The following ADAMTSL1 variants were observed in gnomAD, a reference collection of about 807,000 sequenced individuals.
ADAMTSL1 encodes the protein ADAMTS like 1, also known as ADAMTS-like protein 1.
Under a neutral mutation model 201.8 loss-of-function variants are expected in ADAMTSL1, and 126 were observed. The ratio of observed to expected loss-of-function variants is 0.62; its 90% CI spans 0.54 to 0.72. The LOEUF is 0.72. Among genes scored for constraint, ADAMTSL1 ranks in the 30% least tolerant of loss-of-function variants. The pLI, the probability that ADAMTSL1 is intolerant of heterozygous loss-of-function variation, is 0.00. For missense variants in ADAMTSL1, 2,679 were observed against 2,277.8 expected, an observed-to-expected ratio of 1.18 and a Z score of -3.59; for synonymous variants, 1,121 against 903.4, an observed-to-expected ratio of 1.24 and a Z score of -4.32.
chr9:18,700,868 C>T (rs764373519), intron 13 of ADAMTSL1, among the ~76,000 whole-genome samples: 28 of 152,064 alleles, frequency 1.8e-4, no homozygotes, highest in Non-Finnish European at 3.4e-4. Context: ...ATAAAATGAA[C>T]ATCTGACAAA....
At chr9:18,628,175 G>C (rs1422434527) in intron 5 of ADAMTSL1, among the ~76,000 whole-genome samples, 2 of 127,558 alleles carry the variant, frequency 1.6e-5, no homozygotes, top group African/African-American at 3.0e-5. Flanking sequence ...TCTTGCCTAA[G>C]ACCAGGACAC....
At chr9:17,924,568 A>G (rs1325342340) in intron 1 of ADAMTSL1, among the ~76,000 whole-genome samples, 1 of 150,342 alleles carries the variant, frequency 6.7e-6, no homozygotes, top group African/African-American at 2.5e-5. Flanking sequence ...CAACTATCTG[A>G]TCTTTGACAA....
At chr9:18,554,983 G>C (rs1821021212) in intron 3 of ADAMTSL1, among the ~76,000 whole-genome samples, 1 of 151,760 alleles carries the variant, frequency 6.6e-6, no homozygotes, top group Admixed American at 6.6e-5. Flanking sequence ...TATCATACAG[G>C]ATAGTTTCAC....
At chr9:18,318,945 A>G (rs1259771672) in intron 2 of ADAMTSL1, among the ~76,000 whole-genome samples, 2 of 152,242 alleles carry the variant, frequency 1.3e-5, no homozygotes, top group Admixed American at 1.3e-4. Flanking sequence ...ACAGTGGCTC[A>G]TGCCTGTAAT....
At chr9:18,897,591 GC>G (rs1459585035) in intron 26 of ADAMTSL1, among the ~76,000 whole-genome samples, 1 of 152,184 alleles carries the variant, frequency 6.6e-6, no homozygotes, top group Non-Finnish European at 1.5e-5. Flanking sequence ...GGCAACTAGG[GC>G]CTGGAGTGAT....
chr9:18,684,011 G>T (rs1201659176), intron 12 of ADAMTSL1, among the ~76,000 whole-genome samples: 1 of 152,136 alleles, frequency 6.6e-6, no homozygotes, highest in Non-Finnish European at 1.5e-5. Flanking sequence ...AATCTTGGCA[G>T]TTACTTCTGT....
chr9:18,689,981 T>G (rs1240176036), intron 13 of ADAMTSL1, among the ~76,000 whole-genome samples: 3 of 152,186 alleles, frequency 2.0e-5, no homozygotes, highest in Non-Finnish European at 4.4e-5. Context: ...ATAATCTTGT[T>G]GTGAGCCATT....
chr9:18,055,684 G>C (rs1242295755), intron 1 of ADAMTSL1, among the ~76,000 whole-genome samples: 1 of 152,232 alleles, frequency 6.6e-6, no homozygotes, highest in Non-Finnish European at 1.5e-5. Context: ...CTGTGTCTTA[G>C]AGTATGCCGT....
At position 18,622,384 on chromosome 9, in the gene ADAMTSL1, G is replaced by A. The variant is rs769635961; in HGVS notation, c.601+15G>A. On this transcript the variant is annotated intron_variant, in intron 5 of 28. Transcript: ENST00000380548. ...CGCAACCAAATGTAAGACACACAGAGATGGGCGACCTTTGGACTTGTTGAC... is the reference window on the plus strand; with the variant it reads ...CGCAACCAAATGTAAGACACACAGAAATGGGCGACCTTTGGACTTGTTGAC... The A allele has an allele frequency of 1.2e-6, 2 of 1,613,916 alleles. No homozygotes were observed. Among genetic ancestry groups the A allele is most frequent in the Non-Finnish European group, 8.5e-7 (1 of 1,179,928 alleles).
At chr9:18,499,515 G>T (rs1822718390) in intron 1 of ADAMTSL1, among the ~76,000 whole-genome samples, 1 of 152,206 alleles carries the variant, frequency 6.6e-6, no homozygotes, top group Non-Finnish European at 1.5e-5. Flanking sequence ...GACATGGCCA[G>T]GATGTTTCTG....
At chr9:18,707,819 G>A (rs1832315803) in intron 14 of ADAMTSL1, among the ~76,000 whole-genome samples, 1 of 152,160 alleles carries the variant, frequency 6.6e-6, no homozygotes, top group African/African-American at 2.4e-5. Flanking sequence ...TGTATTCCAT[G>A]GTGATAGAAC....
chr9:18,451,843 C>T (rs1261065899), intron 2 of ADAMTSL1, among the ~76,000 whole-genome samples: 1 of 152,220 alleles, frequency 6.6e-6, no homozygotes, highest in South Asian at 2.1e-4. Flanking sequence ...CTGGCAAGGG[C>T]CCTCATGTTG....
chr9:18,847,288 A>G (rs1826183385), intron 23 of ADAMTSL1, among the ~76,000 whole-genome samples: 1 of 152,172 alleles, frequency 6.6e-6, no homozygotes, highest in South Asian at 2.1e-4. Context: ...GAACTGCTCA[A>G]GCTCAGCCTC....
At chr9:18,856,453 A>G (rs112400915) in intron 23 of ADAMTSL1, among the ~76,000 whole-genome samples, 3,657 of 142,752 alleles carry the variant, frequency 0.026, 84 homozygotes, top group South Asian at 0.093. Flanking sequence ...GCCAAATGAT[A>G]AGAAGGATTT....
intron 16 of ADAMTSL1, among the ~76,000 whole-genome samples, chr9:18,763,371 G>T (rs1218281118): frequency 6.6e-6 from 1 of 152,122 alleles, no homozygotes; most frequent in African/African-American, 2.4e-5. Context: ...CTACAGAGTT[G>T]TTTGAGCTCC....
intron 2 of ADAMTSL1, among the ~76,000 whole-genome samples, chr9:18,462,264 A>T (rs1820835555): frequency 6.6e-6 from 1 of 152,216 alleles, no homozygotes; most frequent in South Asian, 2.1e-4. Flanking sequence ...AACTGAATGT[A>T]ATCAATGTCC....
chr9:18,019,683 C>T (rs1820401530), intron 1 of ADAMTSL1, among the ~76,000 whole-genome samples: 1 of 151,926 alleles, frequency 6.6e-6, no homozygotes, highest in Non-Finnish European at 1.5e-5. Context: ...CATGGGTGAC[C>T]CACTAAGCAG....
chr9:18,219,989 A>C (rs1306453260), intron 2 of ADAMTSL1, among the ~76,000 whole-genome samples: 2 of 151,946 alleles, frequency 1.3e-5, no homozygotes. Context: ...TTTTTATTTT[A>C]TAATTGATTA....
intron 15 of ADAMTSL1, among the ~76,000 whole-genome samples, chr9:18,738,896 A>T (rs1818666494): frequency 6.6e-6 from 1 of 152,198 alleles, no homozygotes; most frequent in African/African-American, 2.4e-5. Context: ...TGATAGCAAT[A>T]ATAATGATGG....
Sources: gnomAD v4.1 joint callset for allele counts (sites outside exome capture counted in the v4.1 genomes callset) on GRCh38, gnomAD v4.1.1 for gene constraint, MANE v1.5 for transcripts, NCBI Gene and HGNC (gene_info 2026-07-23, HGNC 2026-07-21) for gene names.